The following HORMAD1 variants were observed in gnomAD, a reference collection of about 807,000 sequenced individuals.
HORMAD1 encodes the protein HORMA domain containing 1.
Under a neutral mutation model 58.2 loss-of-function variants are expected in HORMAD1, and 33 were observed. The observed-to-expected ratio is 0.57, with a 90% CI of 0.43 to 0.76. HORMAD1 has a LOEUF of 0.76. Among genes scored for constraint, HORMAD1 ranks in the 30% least tolerant of loss-of-function variants. HORMAD1 has a pLI of 0.00. For missense variants in HORMAD1, 363 were observed against 462.0 expected (o/e 0.79, Z 1.96); for synonymous variants, 137 against 144.6 (o/e 0.95, Z 0.38).
chr1:150,714,403 A>C (rs186521444), intron 4 of HORMAD1, among the ~76,000 whole-genome samples: 23 of 152,292 alleles, frequency 1.5e-4, no homozygotes, highest in Admixed American at 7.8e-4. Context: ...CACAAAATAA[A>C]GAAACATTTA....
chr1:150,715,403 C>T (rs1006815122), intron 3 of HORMAD1, among the ~76,000 whole-genome samples: 1 of 152,110 alleles, frequency 6.6e-6, no homozygotes, highest in African/African-American at 2.4e-5. Flanking sequence ...GACTGAGAGT[C>T]TCTCATATCC....
intron 10 of HORMAD1, among the ~76,000 whole-genome samples, chr1:150,705,223 T>C (rs1036826621): frequency 6.6e-5 from 10 of 151,476 alleles, no homozygotes; most frequent in Admixed American, 1.3e-4. Flanking sequence ...TAAGGACAAA[T>C]GATAAAAATA....
In HORMAD1 at chr1:150,704,198, T is replaced by TA. The variant is rs367543855; in HGVS notation, c.872-5dup. On this transcript the variant is annotated splice_polypyrimidine_tract_variant and splice_region_variant and intron_variant, in intron 11 of 14. Coordinates refer to ENST00000361824, the MANE Select transcript of HORMAD1 (RefSeq NM_032132.5). ...TCCTCACAAACTAAACTTGGTTCTG[T>TA]AAAAAAAAAAAAAAAAAGTTACCCG... is the stretch of plus-strand genomic sequence containing the variant. The TA allele has an allele frequency of 0.046, 64,932 of 1,412,228 alleles. 8 individuals carry two copies. Among genetic ancestry groups the TA allele is most frequent in the Non-Finnish European group, 0.049 (52,114 of 1,053,610 alleles). 87.5% of individuals were successfully genotyped at this position (1,412,228 alleles called of 1,614,324 possible).
At chr1:150,704,685 G>A (rs587763287) in intron 10 of HORMAD1, among the ~76,000 whole-genome samples, 7 of 152,124 alleles carry the variant, frequency 4.6e-5, no homozygotes, top group Non-Finnish European at 5.9e-5. Flanking sequence ...TGCAGTAGCC[G>A]TGATCATCCC....
intron 13 of HORMAD1, among the ~76,000 whole-genome samples, chr1:150,700,885 C>G (rs1390344909): frequency 6.6e-6 from 1 of 152,030 alleles, no homozygotes; most frequent in Non-Finnish European, 1.5e-5. Flanking sequence ...TTTTTCCCAT[C>G]TTTCGGCTAT....
intron 9 of HORMAD1, among the ~76,000 whole-genome samples, chr1:150,707,491 T>C (rs1442379549): frequency 6.6e-6 from 1 of 152,242 alleles, no homozygotes; most frequent in Non-Finnish European, 1.5e-5. Context: ...AAAATCCTTA[T>C]ATAACTTTGC....
rs1651462735 is a variant in HORMAD1, at chr1:150,699,302, T to G, written c.1105-568A>C. Among the ~76,000 whole-genome samples, 2 of 152,188 alleles carry G rather than the reference T, an allele frequency of 1.3e-5. 1 individual carries two copies. The highest frequency in any genetic ancestry group is 1.3e-4 in the Admixed American group (2 of 15,274). On this transcript the variant is annotated intron_variant, in intron 14 of 14. Coordinates refer to ENST00000361824, the MANE Select transcript of HORMAD1 (RefSeq NM_032132.5). ...CTAAATATGAAACAACTATAGGGTT[T>G]AAGTCAGGAAAATATTTTTTTCTCC...
At chr1:150,706,849 T>A (rs769964370) in intron 9 of HORMAD1, 40 bp from the exon 10 acceptor site, 1 of 1,495,424 alleles carries the variant, frequency 6.7e-7, no homozygotes, top group Non-Finnish European at 9.0e-7. Context: ...TTCATGAAAT[T>A]AAAGAAAATA....
chr1:150,706,225 G>C (rs949454244), intron 10 of HORMAD1, among the ~76,000 whole-genome samples: 4 of 152,216 alleles, frequency 2.6e-5, no homozygotes, highest in African/African-American at 7.2e-5. Context: ...AGTTAGACTA[G>C]TGCAATGCTT....
At position 150,710,065 on chromosome 1, in the gene HORMAD1, G is replaced by A. The variant is rs113002851; in HGVS notation, c.328-1104C>T. The stretch of plus-strand genomic sequence containing the variant: ...CTGAGGGAACTCAGAGACCGGCGCC[G>A]GTGCAGGTCCTTGGTATGCTGAGCG... On this transcript the variant is annotated intron_variant, in intron 7 of 14. Transcript: ENST00000361824. Among the ~76,000 whole-genome samples the A allele has an allele frequency of 8.7e-3, 1,329 of 152,178 alleles. 17 individuals carry two copies. The highest frequency in any genetic ancestry group is 0.03 in the African/African-American group (1,263 of 41,522).
intron 1 of HORMAD1, 49 bp from the exon 2 acceptor site, chr1:150,719,587 A>G (rs1652182228): frequency 1.1e-6 from 1 of 892,484 alleles, no homozygotes; most frequent in Non-Finnish European, 1.7e-6. Context: ...TTTTTCCTCT[A>G]ACATTTCAGT....
In HORMAD1 at chr1:150,714,139, G is replaced by T; in HGVS notation, c.243-18C>A. On this transcript the variant is annotated intron_variant, in intron 4 of 14. Transcript: ENST00000361824. ...CTAGCATCCTAAAAAAAAAATCAAGGATTCATTTTTAGACTGAATGCATTT... is the reference window on the plus strand; with the variant it reads ...CTAGCATCCTAAAAAAAAAATCAAGTATTCATTTTTAGACTGAATGCATTT... 2.7e-6 allele frequency: 4 copies of T among 1,461,688 alleles called. No individual in the cohort carries two copies. The highest frequency in any genetic ancestry group is 2.5e-5 in the South Asian group (2 of 81,072). The allele number at this position is 1,461,688 out of a possible 1,614,324, so 90.5% of individuals were successfully genotyped here.
At chr1:150,708,472 A>G (rs1651764788) in intron 8 of HORMAD1, 65 bp from the exon 9 acceptor site, 2 of 1,031,796 alleles carry the variant, frequency 1.9e-6, no homozygotes, top group South Asian at 3.7e-5. Flanking sequence ...ATAACTTTAC[A>G]TTTTAACTAT....
intron 3 of HORMAD1, among the ~76,000 whole-genome samples, chr1:150,716,318 T>C (rs976496509): frequency 1.3e-5 from 2 of 151,680 alleles, no homozygotes; most frequent in Non-Finnish European, 2.9e-5. Flanking sequence ...TGCACCACCA[T>C]GCCCGGCTAA....
Position 150,698,369 on chromosome 1 carries a change from T to C in HORMAD1, c.*285A>G, listed in dbSNP as rs1007977209. The C allele has an allele frequency of 5.0e-6, 1 of 200,210 alleles. No individual in the cohort carries two copies. The highest frequency in any genetic ancestry group is 2.3e-5 in the African/African-American group (1 of 43,204). The allele number at this position is 200,210 out of a possible 1,614,324, so 12.4% of individuals were successfully genotyped here. On this transcript the variant is annotated 3_prime_UTR_variant, in exon 15 of 15. Coordinates refer to ENST00000361824, the MANE Select transcript of HORMAD1 (RefSeq NM_032132.5). ...CATTAGAGGGCCTTAACAGTTAGTA[T>C]ATATTTAAAGGAAATATTAAGTAGG...
chr1:150,716,821 G>C (rs926539234), intron 3 of HORMAD1, among the ~76,000 whole-genome samples: 4 of 151,630 alleles, frequency 2.6e-5, no homozygotes, highest in Non-Finnish European at 5.9e-5. Flanking sequence ...AAATTAGCCG[G>C]GCGTGGTGGC....
rs201641273 is a variant in HORMAD1 at position 150,705,525 on chromosome 1, C to CAA, written c.804+1026_804+1027dup. On this transcript the variant is annotated intron_variant, in intron 10 of 14. Coordinates refer to ENST00000361824, the MANE Select transcript of HORMAD1 (RefSeq NM_032132.5). ...GGGCAACAAGAGTGAAACTCTGTCT[C>CAA]AAAAAAAAAAAAAAGTAATAAACAA... 1.1e-3 allele frequency among the ~76,000 whole-genome samples: 157 copies of CAA among 136,532 alleles called. 1 individual carries two copies. The highest frequency in any genetic ancestry group is 4.0e-3 in the African/African-American group (146 of 36,142). The allele number at this position is 136,532 out of a possible 152,430, so 89.6% of individuals were successfully genotyped here.
chr1:150,707,360 CTTT>C (rs1046339522), intron 9 of HORMAD1, among the ~76,000 whole-genome samples: 18 of 152,154 alleles, frequency 1.2e-4, no homozygotes, highest in African/African-American at 4.1e-4. Flanking sequence ...TCAGCACCTT[CTTT>C]TTAACAGCTT....
Position 150,711,871 on chromosome 1 carries a change from A to T in HORMAD1, c.280-18T>A, listed in dbSNP as rs1246416731. 2 of 1,530,096 alleles carry T rather than the reference A, an allele frequency of 1.3e-6. No homozygotes were observed. The highest frequency in any genetic ancestry group is 1.8e-6 in the Non-Finnish European group (2 of 1,109,320). 94.8% of individuals were successfully genotyped at this position (1,530,096 alleles called of 1,614,324 possible). On this transcript the variant is annotated intron_variant, in intron 5 of 14. Coordinates refer to ENST00000361824, the MANE Select transcript of HORMAD1 (RefSeq NM_032132.5). ...ATCCTTAGCTGAAATACAACAAAGA[A>T]CAAAAATCTTACTTGTAGTCTATAA...
Sources: gnomAD v4.1 joint callset for allele counts (sites outside exome capture counted in the v4.1 genomes callset) on GRCh38, gnomAD v4.1.1 for gene constraint, MANE v1.5 for transcripts, NCBI Gene and HGNC (gene_info 2026-07-23, HGNC 2026-07-21) for gene names.